Variants in PRH1 observed in about 807,000 individuals in gnomAD.
PRH1 encodes proline rich protein HaeIII subfamily 1.
In PRH1, 7 loss-of-function variants were observed where a neutral mutation model predicts 7.9. That is an observed-to-expected ratio of 0.89 (90% CI 0.50 to 1.67). The LOEUF (loss-of-function observed/expected upper bound fraction) is 1.67. Ranked by LOEUF, PRH1 falls within the 40% of genes most tolerant of loss-of-function variation. PRH1 has a pLI of 0.00. For synonymous variants in PRH1, 45 were observed against 80.8 expected (o/e 0.56, Z 2.38); for missense variants, 109 against 223.6 (o/e 0.49, Z 3.27).
upstream of PRH1, chr12:11,049,279 A>G (rs893164104): frequency 2.7e-6 from 2 of 732,624 alleles, no homozygotes; most frequent in Admixed American, 7.0e-5. Flanking sequence ...GAAAAGAAAG[A>G]AAAAATGCAG....
intron 2 of PRH1, among the ~76,000 whole-genome samples, chr12:10,927,113 A>T (rs1293688054): frequency 1.3e-5 from 2 of 152,160 alleles, no homozygotes; most frequent in Non-Finnish European, 2.9e-5. Flanking sequence ...TTGACATTGG[A>T]GAAGGTCATG....
intron 1 of PRH1, among the ~76,000 whole-genome samples, chr12:11,060,140 C>G (rs1452351459): frequency 6.6e-6 from 1 of 152,044 alleles, no homozygotes. Flanking sequence ...TTTCATAACA[C>G]CAAAATTAAT....
chr12:11,103,680 A>C (rs111324539), intron 1 of PRH1, among the ~76,000 whole-genome samples: 2,319 of 152,200 alleles, frequency 0.015, 19 homozygotes, highest in South Asian at 0.031. Flanking sequence ...TAGAACTTAA[A>C]GTAAAATAAA....
At chr12:10,905,317 A>G (rs1244169802) in intron 2 of PRH1, among the ~76,000 whole-genome samples, 1 of 151,860 alleles carries the variant, frequency 6.6e-6, no homozygotes, top group Non-Finnish European at 1.5e-5. Flanking sequence ...TCACAATTTC[A>G]TTGGAACACT....
At chr12:11,079,934 A>G (rs72477435) in intron 1 of PRH1, among the ~76,000 whole-genome samples, 8,769 of 70,232 alleles carry the variant, frequency 0.12, 486 homozygotes, top group East Asian at 0.2. Flanking sequence ...TTTTTATATT[A>G]TAACTAGACT....
chr12:10,893,167 T>C (rs926898289), intron 2 of PRH1, among the ~76,000 whole-genome samples: 5 of 152,188 alleles, frequency 3.3e-5, no homozygotes, highest in Non-Finnish European at 7.3e-5. Context: ...GTCATGTGCA[T>C]TGTGAGATAT....
In PRH1 at chr12:11,060,656, T is replaced by C. The variant is rs190314072; in HGVS notation, n.124-13468A>G. Among the ~76,000 whole-genome samples, 4 of 151,844 alleles carry C rather than the reference T, an allele frequency of 2.6e-5. No individual in the cohort carries two copies. The East Asian group carries it at 5.8e-4, about 22-fold the overall frequency. On this transcript the variant is annotated intron_variant and non_coding_transcript_variant, in intron 1 of 4. Coordinates refer to the PRH1 transcript ENST00000541977. Reference sequence around the variant, plus strand: ...ATCCCTATTATAGAAGAGATTGTTTTCTAAGCTATTCACATGCTTGTATTA... The same window carrying C: ...ATCCCTATTATAGAAGAGATTGTTTCCTAAGCTATTCACATGCTTGTATTA...
intron 1 of PRH1, among the ~76,000 whole-genome samples, chr12:11,015,495 A>G (rs1941250701): frequency 6.6e-6 from 1 of 151,960 alleles, no homozygotes; most frequent in Non-Finnish European, 1.5e-5. Context: ...TCTTCTGAGG[A>G]GGTTAGACTT....
intron 1 of PRH1, among the ~76,000 whole-genome samples, chr12:11,041,254 G>C (rs1341035146): frequency 1.5e-5 from 2 of 132,012 alleles, no homozygotes; most frequent in African/African-American, 2.8e-5. Context: ...AGAAAATAAA[G>C]GGATGGAAAA....
upstream of PRH1, chr12:11,049,169 C>A: frequency 5.2e-6 from 3 of 575,038 alleles, no homozygotes; most frequent in Non-Finnish European, 4.9e-6. Context: ...AGGACACCTA[C>A]TAGAGCTATG....
intron 1 of PRH1, chr12:11,034,898 A>G (rs1298762408): frequency 6.6e-6 from 1 of 152,584 alleles, no homozygotes; most frequent in African/African-American, 2.4e-5. Context: ...ACCAACAAAA[A>G]TAATAATAAT....
chr12:11,059,540 T>A (rs1271358110), intron 1 of PRH1, among the ~76,000 whole-genome samples: 2 of 150,690 alleles, frequency 1.3e-5, no homozygotes, highest in Non-Finnish European at 3.0e-5. Context: ...AATATATAAT[T>A]CACAATAGAA....
chr12:10,999,381 A>C (rs1255379689), intron 1 of PRH1, among the ~76,000 whole-genome samples: 1 of 152,146 alleles, frequency 6.6e-6, no homozygotes, highest in Admixed American at 6.6e-5. Flanking sequence ...TCCATTTTGC[A>C]ACTAAAATAA....
intron 1 of PRH1, among the ~76,000 whole-genome samples, chr12:11,062,710 A>G (rs1299152849): frequency 6.6e-6 from 1 of 152,092 alleles, no homozygotes; most frequent in East Asian, 1.9e-4. Flanking sequence ...TTGTTAGGGA[A>G]GTTTTATAAC....
At chr12:10,913,875 G>C (rs529740162) in intron 2 of PRH1, among the ~76,000 whole-genome samples, 2 of 152,288 alleles carry the variant, frequency 1.3e-5, no homozygotes, top group Admixed American at 1.3e-4. Flanking sequence ...ATGAGCACAG[G>C]ACATGTAACA....
chr12:11,106,283 C>T (rs377587111), intron 1 of PRH1, among the ~76,000 whole-genome samples: 1 of 152,074 alleles, frequency 6.6e-6, no homozygotes, highest in Non-Finnish European at 1.5e-5. Flanking sequence ...CACACTCAAA[C>T]CCATACACAC....
chr12:10,979,904 G>A (rs1009422679), intron 1 of PRH1, among the ~76,000 whole-genome samples: 2 of 152,168 alleles, frequency 1.3e-5, no homozygotes, highest in Non-Finnish European at 2.9e-5. Context: ...AGGAAAGACT[G>A]TAGGAGAAAC....
rs11523135 is a variant in PRH1, at chr12:11,067,132, T to G, written n.124-19944A>C. Among the ~76,000 whole-genome samples, 4 of 152,260 alleles carry G rather than the reference T, an allele frequency of 2.6e-5. No individual in the cohort carries two copies. In the South Asian group the frequency reaches 8.3e-4, roughly 32 times the overall value. Reference sequence around the variant, plus strand: ...TACTATAGCAGTGAAAGTAGCATTATATATGCACAAACATGCTCAAAGATC... The same window carrying G: ...TACTATAGCAGTGAAAGTAGCATTAGATATGCACAAACATGCTCAAAGATC... On this transcript the variant is annotated intron_variant and non_coding_transcript_variant, in intron 1 of 4. Coordinates refer to the PRH1 transcript ENST00000541977.
At chr12:10,954,272 G>A (rs1327868528) in intron 2 of PRH1, among the ~76,000 whole-genome samples, 3 of 152,060 alleles carry the variant, frequency 2.0e-5, no homozygotes, top group Admixed American at 2.0e-4. Context: ...TACTAACCTC[G>A]AATGTAAACA....
Sources: gnomAD v4.1 joint callset for allele counts (sites outside exome capture counted in the v4.1 genomes callset) on GRCh38, gnomAD v4.1.1 for gene constraint, MANE v1.5 for transcripts, NCBI Gene and HGNC (gene_info 2026-07-23, HGNC 2026-07-21) for gene names.